VPS8: variants seen among roughly 807,000 people sequenced by gnomAD.
VPS8 encodes VPS8 subunit of CORVET complex.
Under a neutral mutation model 216.4 loss-of-function variants are expected in VPS8, and 129 were observed. The observed-to-expected ratio is 0.60, with a 90% CI of 0.52 to 0.69. The LOEUF (loss-of-function observed/expected upper bound fraction) is 0.69, where lower values mean the gene tolerates loss of function less well. Ranked by LOEUF, VPS8 falls within the 30% of genes least tolerant of loss-of-function variation. The pLI, the probability that VPS8 is intolerant of heterozygous loss-of-function variation, is 0.00. For missense variants in VPS8, 1,531 were observed against 1,683.5 expected (o/e 0.91, Z 1.59); for synonymous variants, 571 against 565.4 (o/e 1.01, Z -0.14).
At chr3:184,930,395 C>A in intron 33 of VPS8, 75 bp from the exon 34 acceptor site, 2 of 995,740 alleles carry the variant, frequency 2.0e-6, no homozygotes, top group Non-Finnish European at 3.1e-6. Context: ...AGATGTTTAC[C>A]AAGACTGGTT....
intron 35 of VPS8, among the ~76,000 whole-genome samples, chr3:184,938,808 G>A (rs187517976): frequency 7.9e-5 from 12 of 151,660 alleles, no homozygotes; most frequent in Non-Finnish European, 1.2e-4. Flanking sequence ...CGGGCAGATC[G>A]CTTGAGCTCA....
rs967271236 is a variant in VPS8 at position 184,946,860 on chromosome 3, T to C, written c.3035+6617T>C. Among the ~76,000 whole-genome samples, 6 of 152,244 alleles carry C rather than the reference T, an allele frequency of 3.9e-5. No individual in the cohort carries two copies. In the Middle Eastern group the frequency reaches 0.014, roughly 345 times the overall value. ...AAAACTTTTTTTTCCTTTTCAGTTC[T>C]TAGTTTAGACACTCTACTGAAAGCA... is the stretch of plus-strand genomic sequence containing the variant. On this transcript the variant is annotated intron_variant, in intron 36 of 47. Transcript: ENST00000625842.
At chr3:184,844,615 G>A (rs1352518724) in intron 8 of VPS8, among the ~76,000 whole-genome samples, 1 of 152,084 alleles carries the variant, frequency 6.6e-6, no homozygotes, top group Non-Finnish European at 1.5e-5. Context: ...AATTCTTGAA[G>A]TATGTTCAAA....
At position 185,012,952 on chromosome 3, in the gene VPS8, T is replaced by TTCTAC. The variant is rs1561114556; in HGVS notation, c.4003-11384_4003-11383insTCTAC. ...AGTATTGTTTCTATAGATTATAGAT[T>TTCTAC]AGCTAAAAGCATTTCCTACGGGAAA... On this transcript the variant is annotated intron_variant, in intron 45 of 47. Transcript: ENST00000625842. 8.7e-3 allele frequency among the ~76,000 whole-genome samples: 1,320 copies of TTCTAC among 152,276 alleles called. 20 individuals are homozygous for TTCTAC. Among genetic ancestry groups the TTCTAC allele is most frequent in the African/African-American group, 0.03 (1,238 of 41,510 alleles).
At chr3:185,025,799 G>A (rs1757263838) in intron 46 of VPS8, among the ~76,000 whole-genome samples, 1 of 152,220 alleles carries the variant, frequency 6.6e-6, no homozygotes, top group African/African-American at 2.4e-5. Flanking sequence ...CTAACATAGT[G>A]ATGTCAAGCG....
intron 35 of VPS8, among the ~76,000 whole-genome samples, chr3:184,937,064 A>G (rs150412239): frequency 0.011 from 1,614 of 152,256 alleles, 13 homozygotes; most frequent in Non-Finnish European, 0.017. Flanking sequence ...TGAGATTCAT[A>G]TTTATTCAAA....
In VPS8 at chr3:184,868,057, G is replaced by C. The variant is rs1727691692; in HGVS notation, c.1504G>C (p.Glu502Gln). 1 of 1,612,994 alleles carries C rather than the reference G, an allele frequency of 6.2e-7. No individual in the cohort carries two copies. Among genetic ancestry groups the C allele is most frequent in the Non-Finnish European group, 8.5e-7 (1 of 1,179,710 alleles). Residue 502 changes from glutamate (E) to glutamine (Q), a missense_variant and splice_region_variant, in exon 18 of 48, where the codon GAG becomes CAG. Glu to Gln is a conservative substitution (Grantham distance 29, BLOSUM62 2). Transcript: ENST00000625842. Reference sequence around the variant, plus strand: ...TGTGATGATGCTGAGGAGCTGGAGAGAGGTGAGTTCCAAGTAATTTCACAT... The same window carrying C: ...TGTGATGATGCTGAGGAGCTGGAGACAGGTGAGTTCCAAGTAATTTCACAT... ...VYVMMLRSWR[E>Q]RVDHLLKQDC... is the part of the protein sequence containing the mutation.
intron 10 of VPS8, 29 bp downstream of exon 10, chr3:184,850,051 A>G: frequency 6.4e-7 from 1 of 1,554,882 alleles, no homozygotes; most frequent in East Asian, 2.2e-5. Context: ...TTTCCTAATA[A>G]TTTTTTTATT....
Position 184,869,000 on chromosome 3 carries a change from TG to T in VPS8, c.1563del (p.Trp521CysfsTer11), listed in dbSNP as rs1356780593. ...TCTTACAGAAGCGTTGGCTCTTGCG[TG>T]GTCTTTCCATGAAGGAAAAGCAAAA... ...DCLTEALALAWSFHEGKAKAV... is the reference protein window; with the variant it reads ...DCLTEALALAXSFHEGKAKAV... On this transcript the variant is annotated frameshift_variant, in exon 19 of 48. Transcript: ENST00000625842. LOFTEE classifies it high-confidence loss of function. 6.2e-7 allele frequency: 1 copy of T among 1,610,540 alleles called. No homozygotes were observed. Among genetic ancestry groups the T allele is most frequent in the Non-Finnish European group, 8.5e-7 (1 of 1,178,492 alleles).
rs779784200 is a variant in VPS8 at position 185,048,520 on chromosome 3, A to G, written c.4098A>G (p.Ala1366=). 3 of 1,613,896 alleles carry G rather than the reference A, an allele frequency of 1.9e-6. No individual in the cohort carries two copies. The highest frequency in any genetic ancestry group is 1.1e-5 in the South Asian group (1 of 91,092). The change falls in exon 47 of 48, where the codon GCA becomes GCG. Residue 1366 remains alanine (A), a synonymous_variant. Coordinates refer to ENST00000625842, the MANE Select transcript of VPS8 (RefSeq NM_001009921.3). ...EPVLDPQQIQ[A]FDQLCRLYRG... is the part of the protein sequence containing the mutation. ...TTCTGGATCCACAGCAAATCCAAGCATTTGATCAGCTTTGCCGTCTCTACC... is the reference window on the plus strand; with the variant it reads ...TTCTGGATCCACAGCAAATCCAAGCGTTTGATCAGCTTTGCCGTCTCTACC...
chr3:184,827,096 T>C (rs1240206299), intron 3 of VPS8, among the ~76,000 whole-genome samples: 1 of 152,204 alleles, frequency 6.6e-6, no homozygotes, highest in Non-Finnish European at 1.5e-5. Context: ...AGTTATGTTT[T>C]CCAAAAGATA....
intron 21 of VPS8, 146 bp downstream of exon 21, chr3:184,870,951 A>G: frequency 1.4e-6 from 1 of 697,128 alleles, no homozygotes; most frequent in Non-Finnish European, 2.4e-6. Context: ...AGAACATTCT[A>G]AATGATTATA....
chr3:184,953,654 G>A (rs896513174), intron 36 of VPS8, among the ~76,000 whole-genome samples: 3 of 152,174 alleles, frequency 2.0e-5, no homozygotes, highest in African/African-American at 7.2e-5. Context: ...CATATGTTAA[G>A]ATGTTATCTT....
chr3:184,834,643 T>TC lies in VPS8; in HGVS notation c.354-6_354-5insC. ...GTTTTTAAATGTTTTTCTTTTTTTT[T>TC]TTCAGGAAGAAGAAATTACCTGATT... On this transcript the variant is annotated splice_region_variant and splice_polypyrimidine_tract_variant and intron_variant, in intron 4 of 47. Coordinates refer to ENST00000625842, the MANE Select transcript of VPS8 (RefSeq NM_001009921.3). The TC allele has an allele frequency of 6.5e-7, 1 of 1,528,554 alleles. No individual in the cohort carries two copies. Among genetic ancestry groups the TC allele is most frequent in the Non-Finnish European group, 8.8e-7 (1 of 1,140,182 alleles). 94.7% of individuals were successfully genotyped at this position (1,528,554 alleles called of 1,614,324 possible). A position where few individuals can be genotyped will look rare whatever the true frequency, so the allele number is the denominator to read the frequency against.
intron 40 of VPS8, among the ~76,000 whole-genome samples, chr3:184,980,233 A>G (rs1393290529): frequency 1.3e-5 from 2 of 148,574 alleles, no homozygotes; most frequent in African/African-American, 2.5e-5. Context: ...TTTTTTTTTC[A>G]TGTTGACCTT....
chr3:184,939,240 TA>T (rs1285162436), intron 35 of VPS8, among the ~76,000 whole-genome samples: 1 of 152,064 alleles, frequency 6.6e-6, no homozygotes, highest in Non-Finnish European at 1.5e-5. Context: ...TGTTATGTTA[TA>T]ACTGAGAAGA....
At chr3:184,972,891 T>C (rs1748654986) in intron 40 of VPS8, among the ~76,000 whole-genome samples, 1 of 152,250 alleles carries the variant, frequency 6.6e-6, no homozygotes, top group Non-Finnish European at 1.5e-5. Context: ...GGCCTCTTTC[T>C]AATGCCTGGG....
At chr3:184,952,981 A>G (rs1744973197) in intron 36 of VPS8, among the ~76,000 whole-genome samples, 1 of 152,138 alleles carries the variant, frequency 6.6e-6, no homozygotes, top group Admixed American at 6.5e-5. Context: ...TTTTCTGTTT[A>G]CTCCTTAGGA....
chr3:184,924,629 C>T (rs556714607), intron 29 of VPS8, among the ~76,000 whole-genome samples: 21 of 152,272 alleles, frequency 1.4e-4, no homozygotes, highest in African/African-American at 4.8e-4. Flanking sequence ...CAATTCAGGT[C>T]TCATCCGAAT....
Sources: gnomAD v4.1 joint callset for allele counts (sites outside exome capture counted in the v4.1 genomes callset) on GRCh38, gnomAD v4.1.1 for gene constraint, MANE v1.5 for transcripts, NCBI Gene and HGNC (gene_info 2026-07-23, HGNC 2026-07-21) for gene names.